Variants in IRAK1BP1 observed in about 807,000 individuals in gnomAD.
IRAK1BP1 encodes the protein interleukin 1 receptor associated kinase 1 binding protein 1.
A neutral mutation model predicts 28.0 loss-of-function variants in IRAK1BP1; 24 were observed. The ratio of observed to expected loss-of-function variants is 0.86; its 90% CI spans 0.62 to 1.20. The LOEUF (loss-of-function observed/expected upper bound fraction) is 1.20, where lower values mean the gene tolerates loss of function less well. IRAK1BP1 is among the 50% of genes most tolerant of loss of function. The pLI is 0.00. For synonymous variants in IRAK1BP1, 131 were observed against 116.3 expected (o/e 1.13, Z -0.81); for missense variants, 336 against 316.7 (o/e 1.06, Z -0.46).
the IRAK1BP1 span, chr6:78,961,866 G>A: frequency 3.8e-5 from 52 of 1,369,496 alleles, no homozygotes; most frequent in Non-Finnish European, 5.1e-5. Flanking sequence ...AATAATTCAA[G>A]AAGAATTCTG....
the IRAK1BP1 span, among the ~76,000 whole-genome samples, chr6:78,952,441 GAAAAAAAAA>G: frequency 8.3e-6 from 1 of 120,880 alleles, no homozygotes; most frequent in Non-Finnish European, 1.8e-5. Context: ...AAAAAAAAAA[GAAAAAAAAA>G]AAGGAAAAAA....
At chr6:78,965,986 T>C in the IRAK1BP1 span, 1 of 1,613,366 alleles carries the variant, frequency 6.2e-7, no homozygotes, top group Non-Finnish European at 8.5e-7. Context: ...GGTACTCAAG[T>C]TGAAGAGGTT....
chr6:78,915,494 G>T (rs538064263), intron 4 of IRAK1BP1, among the ~76,000 whole-genome samples: 1 of 152,294 alleles, frequency 6.6e-6, no homozygotes, highest in South Asian at 2.1e-4. Context: ...TTTCACTGCT[G>T]TGTGTGTGCT....
the IRAK1BP1 span, among the ~76,000 whole-genome samples, chr6:78,976,594 C>A: frequency 7.1e-5 from 10 of 140,520 alleles, no homozygotes; most frequent in African/African-American, 2.6e-4. Context: ...AGGCAACCTA[C>A]AAAATGGGAG....
At chr6:78,918,578 T>TTA (rs760247530) in intron 4 of IRAK1BP1, among the ~76,000 whole-genome samples, 1 of 66,784 alleles carries the variant, frequency 1.5e-5, no homozygotes, top group Non-Finnish European at 2.6e-5. Flanking sequence ...CCAAAAACAG[T>TTA]AAAAAAAAAA....
intron 4 of IRAK1BP1, among the ~76,000 whole-genome samples, chr6:78,933,598 A>G (rs1359867716): frequency 6.6e-6 from 1 of 152,128 alleles, no homozygotes; most frequent in Admixed American, 6.5e-5. Context: ...CTGGGCAACA[A>G]GAGCAAAACT....
At chr6:78,894,679 A>C (rs181052241) in intron 2 of IRAK1BP1, among the ~76,000 whole-genome samples, 15 of 152,332 alleles carry the variant, frequency 9.8e-5, no homozygotes, top group Admixed American at 8.5e-4. Flanking sequence ...ATCAGTAAGA[A>C]TATAACAGAT....
intron 2 of IRAK1BP1, among the ~76,000 whole-genome samples, chr6:78,894,245 G>C (rs1277079643): frequency 1.3e-5 from 2 of 152,192 alleles, no homozygotes; most frequent in Non-Finnish European, 2.9e-5. Flanking sequence ...ATTTACCCAT[G>C]TCAATAATCA....
At chr6:78,924,167 G>A (rs145777580) in intron 4 of IRAK1BP1, among the ~76,000 whole-genome samples, 4,587 of 152,082 alleles carry the variant, frequency 0.03, 117 homozygotes, top group Non-Finnish European at 0.047. Flanking sequence ...TTGATAGACC[G>A]TTAGCAAGAC....
At chr6:78,941,613 T>C (rs1388832764) in intron 4 of IRAK1BP1, among the ~76,000 whole-genome samples, 2 of 152,188 alleles carry the variant, frequency 1.3e-5, no homozygotes, top group Non-Finnish European at 2.9e-5. Context: ...AAAGCTGGGA[T>C]GACTAAAGGT....
chr6:78,966,155 G>T, the IRAK1BP1 span: 1 of 717,668 alleles, frequency 1.4e-6, no homozygotes, highest in African/African-American at 1.7e-5. Flanking sequence ...CTGCCTGTAT[G>T]ATTTCAGAAG....
At chr6:78,932,679 A>G (rs1172768732) in intron 4 of IRAK1BP1, among the ~76,000 whole-genome samples, 2 of 152,060 alleles carry the variant, frequency 1.3e-5, no homozygotes, top group Admixed American at 6.6e-5. Flanking sequence ...TTGGACTCCT[A>G]AAGTGCTGGG....
intron 1 of IRAK1BP1, among the ~76,000 whole-genome samples, chr6:78,880,005 T>C (rs982160473): frequency 7.2e-5 from 11 of 152,262 alleles, no homozygotes; most frequent in Non-Finnish European, 1.3e-4. Flanking sequence ...AAAGATACTT[T>C]ATCTCTTAGT....
intron 1 of IRAK1BP1, chr6:78,871,926 T>C (rs1262893756): frequency 1.9e-6 from 1 of 516,728 alleles, no homozygotes; most frequent in Non-Finnish European, 3.4e-6. Flanking sequence ...ACAACATTTG[T>C]AAATTCTTTG....
At chr6:78,977,107 C>G in the IRAK1BP1 span, among the ~76,000 whole-genome samples, 2 of 143,498 alleles carry the variant, frequency 1.4e-5, no homozygotes, top group Admixed American at 7.1e-5. Flanking sequence ...TTCACAATAG[C>G]AAAGACTTGG....
intron 4 of IRAK1BP1, among the ~76,000 whole-genome samples, chr6:78,917,323 T>A (rs1772587176): frequency 6.6e-6 from 1 of 151,524 alleles, no homozygotes; most frequent in Non-Finnish European, 1.5e-5. Flanking sequence ...AAGAAAAAAA[T>A]TCAGATTTCG....
chr6:78,917,091 A>G (rs1289072183), intron 4 of IRAK1BP1, among the ~76,000 whole-genome samples: 1 of 152,164 alleles, frequency 6.6e-6, no homozygotes, highest in Non-Finnish European at 1.5e-5. Flanking sequence ...GAAACTCAGA[A>G]ATAACAGATC....
chr6:78,939,595 A>G (rs189950841), intron 4 of IRAK1BP1: 1 of 152,056 alleles, frequency 6.6e-6, no homozygotes, highest in Admixed American at 6.5e-5. Context: ...GTTTGTATAT[A>G]TATTTAATTA....
At chr6:78,919,730 A>C (rs1772666950) in intron 4 of IRAK1BP1, among the ~76,000 whole-genome samples, 1 of 152,184 alleles carries the variant, frequency 6.6e-6, no homozygotes, top group African/African-American at 2.4e-5. Context: ...CTCCCAGACC[A>C]GATGAATTCA....
Sources: gnomAD v4.1 joint callset for allele counts (sites outside exome capture counted in the v4.1 genomes callset) on GRCh38, gnomAD v4.1.1 for gene constraint, MANE v1.5 for transcripts, NCBI Gene and HGNC (gene_info 2026-07-23, HGNC 2026-07-21) for gene names.